Variants in FRMPD4 observed in about 807,000 individuals in gnomAD.
FRMPD4 encodes FERM and PDZ domain-containing protein 4.
FRMPD4 carries 22 observed loss-of-function variants against 94.1 expected under a neutral mutation model. The ratio of observed to expected loss-of-function variants is 0.23; its 90% CI spans 0.17 to 0.33. FRMPD4 has a LOEUF of 0.33. Among genes scored for constraint, FRMPD4 ranks in the 10% least tolerant of loss-of-function variants. FRMPD4 has a pLI of 1.00. For synonymous variants in FRMPD4, 631 were observed against 548.6 expected (o/e 1.15, Z -2.10); for missense variants, 1,111 against 1,339.9 (o/e 0.83, Z 2.67).
intron 1 of FRMPD4, among the ~76,000 whole-genome samples, chrX:12,287,846 A>G (rs148715232): frequency 8.9e-6 from 1 of 112,476 alleles, no homozygotes; most frequent in African/African-American, 3.2e-5. Flanking sequence ...GAAGTACAGT[A>G]CCCAATTAAC....
intron 5 of FRMPD4, among the ~76,000 whole-genome samples, chrX:12,681,822 A>G (rs1394051294): frequency 2.7e-5 from 3 of 111,793 alleles, no homozygotes; most frequent in African/African-American, 9.8e-5. Context: ...CATTTTAAAC[A>G]TTTAAAAGTG....
At chrX:12,026,985 A>G (rs995580913) in intron 3 of FRMPD4, among the ~76,000 whole-genome samples, 1 of 111,897 alleles carries the variant, frequency 8.9e-6, no homozygotes, top group Non-Finnish European at 1.9e-5. Flanking sequence ...TCACTCTCCC[A>G]TATAGTATAG....
chrX:11,944,384 T>C (rs930670428), intron 3 of FRMPD4, among the ~76,000 whole-genome samples: 2 of 112,186 alleles, frequency 1.8e-5, no homozygotes, highest in Non-Finnish European at 3.8e-5. Flanking sequence ...ACAGGCTTTT[T>C]ACACCCACTA....
At chrX:11,911,920 A>G (rs1219675537) in intron 3 of FRMPD4, among the ~76,000 whole-genome samples, 1 of 112,114 alleles carries the variant, frequency 8.9e-6, no homozygotes, top group Non-Finnish European at 1.9e-5. Flanking sequence ...GCCAAGATCC[A>G]TACACTTTCC....
intron 3 of FRMPD4, among the ~76,000 whole-genome samples, chrX:11,960,335 C>G (rs1364743027): frequency 1.8e-5 from 2 of 111,621 alleles, no homozygotes; most frequent in Non-Finnish European, 3.8e-5. Flanking sequence ...TGGTTGCCAG[C>G]TCCTTCCTCC....
chrX:12,408,504 G>A (rs924733872), intron 1 of FRMPD4, among the ~76,000 whole-genome samples: 12 of 110,780 alleles, frequency 1.1e-4, no homozygotes, highest in Non-Finnish European at 2.3e-4. Context: ...AAAATTCCTG[G>A]GGGCAAGGCC....
chrX:12,379,320 C>T (rs1353373887), intron 1 of FRMPD4, among the ~76,000 whole-genome samples: 1 of 112,016 alleles, frequency 8.9e-6, no homozygotes, highest in Admixed American at 9.5e-5. Flanking sequence ...TCTTGTCCAC[C>T]TCTTTGAGCT....
At chrX:11,950,177 C>G in intron 3 of FRMPD4, among the ~76,000 whole-genome samples, 1 of 111,498 alleles carries the variant, frequency 9.0e-6, no homozygotes, top group Non-Finnish European at 1.9e-5. Context: ...TGGCATTTTC[C>G]CTGATTGCAC....
intron 1 of FRMPD4, among the ~76,000 whole-genome samples, chrX:12,431,514 T>C (rs1328260350): frequency 8.9e-6 from 1 of 112,078 alleles, no homozygotes; most frequent in Non-Finnish European, 1.9e-5. Flanking sequence ...TGCATTAATA[T>C]TTAATTAAAG....
intron 3 of FRMPD4, among the ~76,000 whole-genome samples, chrX:11,884,550 A>T (rs997152670): frequency 2.7e-5 from 3 of 111,577 alleles, no homozygotes; most frequent in African/African-American, 9.8e-5. Flanking sequence ...ATGCAAACAC[A>T]CATTAGAAGA....
rs533159818 is a variant in FRMPD4, at chrX:11,849,017, A to T, written c.-160-16069A>T. On this transcript the variant is annotated intron_variant, in intron 1 of 18. Transcript: ENST00000640291. ...AAATTGGAAGACAAGAAGGAAAATT[A>T]TCTCTGTTCACTGGTGACATGATCT... Among the ~76,000 whole-genome samples the T allele has an allele frequency of 4.5e-5, 5 of 111,429 alleles. No homozygotes were observed. The East Asian group carries it at 8.5e-4, about 19-fold the overall frequency.
chrX:12,308,851 T>C (rs1450098172), intron 1 of FRMPD4, among the ~76,000 whole-genome samples: 1 of 112,709 alleles, frequency 8.9e-6, no homozygotes, highest in Non-Finnish European at 1.9e-5. Context: ...TTAATAAAAA[T>C]CTTGACCAAA....
At chrX:11,963,969 T>A (rs1189880926) in intron 3 of FRMPD4, among the ~76,000 whole-genome samples, 1 of 111,560 alleles carries the variant, frequency 9.0e-6, no homozygotes, top group Non-Finnish European at 1.9e-5. Flanking sequence ...CTTCATTGAT[T>A]TGCTCCTGAG....
At chrX:12,006,004 TA>T (rs72040519) in intron 3 of FRMPD4, among the ~76,000 whole-genome samples, 8,810 of 107,808 alleles carry the variant, frequency 0.082, 334 homozygotes, top group East Asian at 0.24. Context: ...TTTCAGGCTT[TA>T]AAAAAAAAAT....
intron 1 of FRMPD4, among the ~76,000 whole-genome samples, chrX:11,828,698 A>G (rs757534354): frequency 4.5e-5 from 5 of 111,951 alleles, no homozygotes; most frequent in Non-Finnish European, 9.4e-5. Flanking sequence ...AAATTTCAAG[A>G]GAACCAGAAA....
At chrX:12,049,747 G>A (rs1233793288) in intron 3 of FRMPD4, among the ~76,000 whole-genome samples, 3 of 111,805 alleles carry the variant, frequency 2.7e-5, no homozygotes, top group Non-Finnish European at 5.6e-5. Flanking sequence ...ACAGCGCCAT[G>A]TATGTTGTTT....
At chrX:12,160,955 G>A (rs1450240713) in intron 1 of FRMPD4, among the ~76,000 whole-genome samples, 2 of 110,576 alleles carry the variant, frequency 1.8e-5, no homozygotes, top group East Asian at 5.6e-4. Context: ...CATTAATATT[G>A]TTACTTAATT....
At chrX:12,208,575 G>A (rs1400660158) in intron 1 of FRMPD4, among the ~76,000 whole-genome samples, 1 of 111,445 alleles carries the variant, frequency 9.0e-6, no homozygotes, top group East Asian at 2.8e-4. Context: ...AAATAGAATT[G>A]TTTTTGCATA....
intron 1 of FRMPD4, among the ~76,000 whole-genome samples, chrX:11,840,661 G>T (rs1183996435): frequency 9.1e-6 from 1 of 109,708 alleles, no homozygotes; most frequent in Non-Finnish European, 1.9e-5. Flanking sequence ...CTCTAAGTAT[G>T]ATGGTAGCTA....
Sources: gnomAD v4.1 joint callset for allele counts (sites outside exome capture counted in the v4.1 genomes callset) on GRCh38, gnomAD v4.1.1 for gene constraint, MANE v1.5 for transcripts, NCBI Gene and HGNC (gene_info 2026-07-23, HGNC 2026-07-21) for gene names.